FAM227B: variants seen among roughly 807,000 people sequenced by gnomAD.
FAM227B encodes the protein protein FAM227B.
Under a neutral mutation model 73.8 loss-of-function variants are expected in FAM227B, and 88 were observed. The observed-to-expected ratio is 1.19, with a 90% CI of 1.00 to 1.42. FAM227B has a LOEUF of 1.42. Among genes scored for constraint, FAM227B ranks in the 40% most tolerant of loss-of-function variants. FAM227B has a pLI of 0.00. For synonymous variants in FAM227B, 210 were observed against 190.5 expected, an observed-to-expected ratio of 1.10 and a Z score of -0.84; for missense variants, 632 against 590.9, an observed-to-expected ratio of 1.07 and a Z score of -0.72.
chr15:49,484,167 C>G (rs1246805722), intron 11 of FAM227B: 2 of 556,836 alleles, frequency 3.6e-6, no homozygotes, highest in Non-Finnish European at 6.3e-6. Flanking sequence ...AGCTAATAAA[C>G]CACATTAGGC....
chr15:49,507,518 T>C (rs2058669604), intron 11 of FAM227B, among the ~76,000 whole-genome samples: 1 of 152,106 alleles, frequency 6.6e-6, no homozygotes, highest in South Asian at 2.1e-4. Flanking sequence ...ACCTGAGCAT[T>C]AGACTTATGT....
chr15:49,483,152 TATC>T (rs1482540926), intron 11 of FAM227B: 1 of 1,530,772 alleles, frequency 6.5e-7, no homozygotes, highest in Admixed American at 1.7e-5. Flanking sequence ...TCCTTGCAGA[TATC>T]ATGGAAATCA....
At chr15:49,419,173 G>A (rs1435659215) in intron 11 of FAM227B, among the ~76,000 whole-genome samples, 1 of 152,136 alleles carries the variant, frequency 6.6e-6, no homozygotes, top group African/African-American at 2.4e-5. Flanking sequence ...AGACACATGA[G>A]GCAGCCCTGA....
chr15:49,613,729 A>G (rs2078105900), intron 2 of FAM227B, among the ~76,000 whole-genome samples: 1 of 152,158 alleles, frequency 6.6e-6, no homozygotes, highest in Non-Finnish European at 1.5e-5. Context: ...AAATTATCTC[A>G]TGTATGCCAT....
intron 11 of FAM227B, among the ~76,000 whole-genome samples, chr15:49,504,657 T>C (rs1383824254): frequency 6.6e-6 from 1 of 152,122 alleles, no homozygotes; most frequent in Non-Finnish European, 1.5e-5. Context: ...ACTTGCTGCT[T>C]CTTTCACCAT....
At chr15:49,489,397 A>C (rs2056685514) in intron 11 of FAM227B, 1 of 983,992 alleles carries the variant, frequency 1.0e-6, no homozygotes, top group African/African-American at 1.8e-5. Context: ...CATTCCTACA[A>C]AGGATAATTA....
intron 13 of FAM227B, among the ~76,000 whole-genome samples, chr15:49,360,045 C>G (rs1024473182): frequency 5.3e-5 from 7 of 131,212 alleles, no homozygotes; most frequent in African/African-American, 2.1e-4. Context: ...ACAATGAGAT[C>G]ACATGGACAC....
Position 49,575,108 on chromosome 15 carries a change from T to C in FAM227B, c.548A>G (p.Glu183Gly). 1.3e-6 allele frequency: 2 copies of C among 1,566,628 alleles called. No individual in the cohort carries two copies. Among genetic ancestry groups the C allele is most frequent in the African/African-American group, 1.4e-5 (1 of 72,976 alleles). Residue 183 changes from glutamate (E) to glycine (G), a missense_variant and splice_region_variant, in exon 8 of 16, where the codon GAA becomes GGA. By Grantham distance (98) the Glu-to-Gly change is moderately conservative. Transcript: ENST00000299338. ...LFILKAHNFD[E>G]RVFKIWKTHF... ...AGTCTTCCAGATTTTAAAAACTCTT[T>C]CCTATGGAAAAAAACAAGAGAGAGA...
chr15:49,378,244 C>G (rs943971236), intron 11 of FAM227B, among the ~76,000 whole-genome samples: 1 of 151,386 alleles, frequency 6.6e-6, no homozygotes, highest in Non-Finnish European at 1.5e-5. Context: ...CAGTACCATG[C>G]TGTTTTGGTT....
At chr15:49,494,282 C>T (rs1433357610) in intron 11 of FAM227B, among the ~76,000 whole-genome samples, 2 of 147,798 alleles carry the variant, frequency 1.4e-5, no homozygotes, top group African/African-American at 4.9e-5. Context: ...CACACACACA[C>T]ACACACACCC....
rs544404073 is a variant in FAM227B at position 49,519,147 on chromosome 15, C to T, written c.875-10799G>A. On this transcript the variant is annotated intron_variant, in intron 10 of 15. Coordinates refer to ENST00000299338, the MANE Select transcript of FAM227B (RefSeq NM_152647.3). Reference sequence around the variant, plus strand: ...CCTACGACTCCATGTCTCACATCTACATCATGCTGATGCAAGAGATGGGCT... The same window carrying T: ...CCTACGACTCCATGTCTCACATCTATATCATGCTGATGCAAGAGATGGGCT... Among the ~76,000 whole-genome samples, 18 of 152,340 alleles carry T rather than the reference C, an allele frequency of 1.2e-4. No homozygotes were observed. In the South Asian group the frequency reaches 3.5e-3, roughly 30 times the overall value.
chr15:49,464,314 AAGAG>A (rs952291765), intron 11 of FAM227B, among the ~76,000 whole-genome samples: 58 of 152,222 alleles, frequency 3.8e-4, no homozygotes, highest in African/African-American at 1.3e-3. Context: ...TGGTTCTTAA[AAGAG>A]AAACAGAAAA....
intron 11 of FAM227B, among the ~76,000 whole-genome samples, chr15:49,403,358 A>G (rs1473420279): frequency 2.6e-5 from 4 of 152,144 alleles, no homozygotes; most frequent in Middle Eastern, 6.8e-3. Context: ...TTTTCTTTGT[A>G]CCTTTTGGTA....
At chr15:49,528,584 T>C (rs1386608454) in intron 10 of FAM227B, among the ~76,000 whole-genome samples, 1 of 151,736 alleles carries the variant, frequency 6.6e-6, no homozygotes, top group Non-Finnish European at 1.5e-5. Context: ...AAAAAGTATT[T>C]GCAAATTGTG....
At chr15:49,413,103 A>AG (rs1185747044) in intron 11 of FAM227B, among the ~76,000 whole-genome samples, 2 of 152,078 alleles carry the variant, frequency 1.3e-5, no homozygotes, top group Non-Finnish European at 2.9e-5. Flanking sequence ...ACATTGAATA[A>AG]GGCTTTGTCT....
intron 13 of FAM227B, among the ~76,000 whole-genome samples, chr15:49,357,609 CA>C (rs1194467069): frequency 1.3e-5 from 2 of 150,308 alleles, no homozygotes; most frequent in East Asian, 2.0e-4. Flanking sequence ...GCTTACCAAC[CA>C]AAAAGAGTCC....
chr15:49,613,066 G>C (rs980371429), intron 2 of FAM227B, among the ~76,000 whole-genome samples: 2 of 152,076 alleles, frequency 1.3e-5, no homozygotes, highest in African/African-American at 2.4e-5. Flanking sequence ...ATATAGGTTA[G>C]GGTCAAGCAC....
At chr15:49,546,084 A>C (rs1598088175) in intron 9 of FAM227B, among the ~76,000 whole-genome samples, 3 of 151,840 alleles carry the variant, frequency 2.0e-5, no homozygotes, top group Admixed American at 1.3e-4. Flanking sequence ...CATTAGGTAT[A>C]TCTCCCAATG....
At chr15:49,609,315 T>C (rs1261206384) in intron 3 of FAM227B, among the ~76,000 whole-genome samples, 2 of 151,010 alleles carry the variant, frequency 1.3e-5, no homozygotes, top group African/African-American at 2.4e-5. Context: ...CAACAGGAGA[T>C]AGGAAGAGGT....
Sources: allele counts gnomAD v4.1 joint callset (sites outside exome capture counted in the v4.1 genomes callset), GRCh38; gene constraint gnomAD v4.1.1; transcripts MANE v1.5; gene names NCBI Gene and HGNC (gene_info 2026-07-23, HGNC 2026-07-21).